PACRGL: variants seen among roughly 807,000 people sequenced by gnomAD.
The protein encoded by PACRGL is PACRG-like protein.
PACRGL carries 38 observed loss-of-function variants against 34.5 expected under a neutral mutation model. The observed-to-expected ratio is 1.10, with a 90% CI of 0.85 to 1.44. The LOEUF (loss-of-function observed/expected upper bound fraction) is 1.44, where lower values mean the gene tolerates loss of function less well. Ranked by LOEUF, PACRGL falls within the 40% of genes most tolerant of loss-of-function variation. The probability of loss-of-function intolerance (pLI) is 0.00; values close to 1 mark genes in which losing one functional copy is unlikely to be tolerated. For missense variants in PACRGL, 305 were observed against 281.4 expected (o/e 1.08, Z -0.60); for synonymous variants, 128 against 100.1 (o/e 1.28, Z -1.66).
chr4:20,751,332 G>A (rs111581128), intron 8 of PACRGL, among the ~76,000 whole-genome samples: 113 of 152,216 alleles, frequency 7.4e-4, no homozygotes, highest in African/African-American at 2.7e-3. Context: ...AAATTCTTTT[G>A]CATATGGAGC....
intron 8 of PACRGL, among the ~76,000 whole-genome samples, chr4:20,751,263 CA>C (rs1483530594): frequency 6.6e-6 from 1 of 152,312 alleles, no homozygotes; most frequent in East Asian, 1.9e-4. Flanking sequence ...GTCTAAATAA[CA>C]TGTAACACTG....
intron 8 of PACRGL, among the ~76,000 whole-genome samples, chr4:20,738,366 A>G (rs1463657962): frequency 6.6e-6 from 1 of 152,192 alleles, no homozygotes; most frequent in Non-Finnish European, 1.5e-5. Flanking sequence ...TTCTCAAAAT[A>G]TAATGTGCAA....
At chr4:20,749,779 C>T in intron 8 of PACRGL, 1 of 1,283,342 alleles carries the variant, frequency 7.8e-7, no homozygotes, top group Non-Finnish European at 1.1e-6. Context: ...TTTCCATATC[C>T]TACATAAGAC....
intron 8 of PACRGL, among the ~76,000 whole-genome samples, chr4:20,748,242 A>G (rs1752791250): frequency 6.6e-6 from 1 of 151,968 alleles, no homozygotes. Context: ...CCAATTGTGT[A>G]TTCTATCTTC....
chr4:20,736,239 C>A (rs919531165), downstream of PACRGL, among the ~76,000 whole-genome samples: 3 of 151,996 alleles, frequency 2.0e-5, no homozygotes, highest in Admixed American at 1.3e-4. Flanking sequence ...GACTTCTATA[C>A]TTTTTTTTCC....
intron 3 of PACRGL, among the ~76,000 whole-genome samples, chr4:20,706,581 C>CA (rs911971869): frequency 2.1e-5 from 3 of 145,038 alleles, no homozygotes; most frequent in African/African-American, 7.5e-5. Flanking sequence ...GGAAATGAAT[C>CA]TTTTTTTTTT....
intron 3 of PACRGL, among the ~76,000 whole-genome samples, chr4:20,706,447 A>T (rs1035177733): frequency 6.6e-6 from 1 of 152,168 alleles, no homozygotes; most frequent in African/African-American, 2.4e-5. Flanking sequence ...CAACTTTCTT[A>T]TCGGATATGC....
the PACRGL span, among the ~76,000 whole-genome samples, chr4:20,759,282 TCA>T: frequency 6.6e-6 from 1 of 152,210 alleles, no homozygotes; most frequent in African/African-American, 2.4e-5. Flanking sequence ...TTTTCTGAAC[TCA>T]CATAATCTTC....
chr4:20,698,227 A>G (rs1170498754), upstream of PACRGL, among the ~76,000 whole-genome samples: 1 of 152,150 alleles, frequency 6.6e-6, no homozygotes, highest in Non-Finnish European at 1.5e-5. Context: ...TACCTATATG[A>G]GAGCAAACAG....
At chr4:20,732,627 T>C, downstream of PACRGL, 1 of 1,135,056 alleles carries the variant, frequency 8.8e-7, no homozygotes, top group Admixed American at 1.7e-5. Context: ...ATGGCAAACA[T>C]CAGGAAATTT....
the PACRGL span, among the ~76,000 whole-genome samples, chr4:20,759,503 TC>T: frequency 6.6e-6 from 1 of 152,202 alleles, no homozygotes; most frequent in Non-Finnish European, 1.5e-5. Flanking sequence ...GCTTAATAGA[TC>T]CCCACCTTTG....
rs987732794 is a variant in PACRGL, at chr4:20,715,504, TACTA to T, written c.609+1967_609+1970del. Among the ~76,000 whole-genome samples the T allele has an allele frequency of 2.6e-5, 4 of 152,274 alleles. No homozygotes were observed. The East Asian group carries it at 7.7e-4, about 29-fold the overall frequency. On this transcript the variant is annotated intron_variant, in intron 7 of 8. Transcript: ENST00000503585. The stretch of plus-strand genomic sequence containing the variant: ...TATACAGATCGTTCATAAAACATTT[TACTA>T]ATGGACAGTATTACTATTTTTTTTA...
chr4:20,743,045 T>C (rs1751543921), intron 8 of PACRGL, among the ~76,000 whole-genome samples: 1 of 151,712 alleles, frequency 6.6e-6, no homozygotes, highest in Non-Finnish European at 1.5e-5. Flanking sequence ...GAAGGACCCT[T>C]ATAAGGGTGT....
chr4:20,764,663 A>G, the PACRGL span, among the ~76,000 whole-genome samples: 8 of 142,402 alleles, frequency 5.6e-5, no homozygotes, highest in Non-Finnish European at 9.1e-5. Flanking sequence ...GCTACCGACT[A>G]GAATCACATG....
chr4:20,725,231 C>T (rs7655154), intron 8 of PACRGL, among the ~76,000 whole-genome samples: 49,319 of 151,910 alleles, frequency 0.32, 8,471 homozygotes, highest in African/African-American at 0.43. Flanking sequence ...GAAAACCGAA[C>T]GATTAACTTA....
intron 7 of PACRGL, among the ~76,000 whole-genome samples, chr4:20,723,761 T>A (rs1346968455): frequency 6.6e-6 from 1 of 152,092 alleles, no homozygotes. Context: ...GGTATCTAGC[T>A]TTCCTGGGCT....
At position 20,707,852 on chromosome 4, in the gene PACRGL, A is replaced by C; in HGVS notation, c.257A>C (p.Lys86Thr). The C allele has an allele frequency of 6.2e-7, 1 of 1,613,356 alleles. No homozygotes were observed. The highest frequency in any genetic ancestry group is 8.5e-7 in the Non-Finnish European group (1 of 1,179,324). Reference protein sequence around the residue: ...VPSAFAAIYSKGGIPCRLVHG... With the variant: ...VPSAFAAIYSTGGIPCRLVHG... Reference sequence around the variant, plus strand: ...TCTGCATTTGCAGCTATTTACTCTAAAGGAGGTATTCCTTGCAGGTAAAAT... The same window carrying C: ...TCTGCATTTGCAGCTATTTACTCTACAGGAGGTATTCCTTGCAGGTAAAAT... Residue 86 changes from lysine (K) to threonine (T), a missense_variant, in exon 4 of 9, where the codon AAA (lysine) becomes ACA (threonine). Transcript: ENST00000503585.
At chr4:20,723,547 A>G (rs1453492884) in intron 7 of PACRGL, among the ~76,000 whole-genome samples, 2 of 152,130 alleles carry the variant, frequency 1.3e-5, no homozygotes, top group Non-Finnish European at 2.9e-5. Flanking sequence ...AAGGAATCAC[A>G]CTGGATCCTT....
chr4:20,717,543 T>C (rs1322303179), intron 7 of PACRGL, among the ~76,000 whole-genome samples: 3 of 152,246 alleles, frequency 2.0e-5, no homozygotes, highest in African/African-American at 7.2e-5. Flanking sequence ...GTTTCAGCTT[T>C]CTCCATATGG....
Sources: gnomAD v4.1 joint callset for allele counts (sites outside exome capture counted in the v4.1 genomes callset) on GRCh38, gnomAD v4.1.1 for gene constraint, MANE v1.5 for transcripts, NCBI Gene and HGNC (gene_info 2026-07-23, HGNC 2026-07-21) for gene names.